The following COL5A2 variants were observed in gnomAD, a reference collection of about 807,000 sequenced individuals.
The protein encoded by COL5A2 is collagen type V alpha 2 chain.
COL5A2 carries 23 observed loss-of-function variants against 208.2 expected under a neutral mutation model. The observed-to-expected ratio is 0.11, with a 90% CI of 0.08 to 0.16. The LOEUF (loss-of-function observed/expected upper bound fraction) is 0.16. COL5A2 is among the 10% of genes least tolerant of loss of function. The pLI, the probability that COL5A2 is intolerant of heterozygous loss-of-function variation, is 1.00. For missense variants in COL5A2, 1,590 were observed against 1,956.4 expected, an observed-to-expected ratio of 0.81 and a Z score of 3.53; for synonymous variants, 625 against 628.5, an observed-to-expected ratio of 0.99 and a Z score of 0.08.
At chr2:189,035,584 A>C (rs1314373025) in intron 52 of COL5A2, among the ~76,000 whole-genome samples, 1 of 152,066 alleles carries the variant, frequency 6.6e-6, no homozygotes, top group East Asian at 1.9e-4. Context: ...AAAAATAATC[A>C]AAAAAATTTT....
Position 189,033,796 on chromosome 2 carries a change from T to A in COL5A2, c.*274A>T. The A allele has an allele frequency of 2.1e-6, 1 of 480,672 alleles. No individual in the cohort carries two copies. Among genetic ancestry groups the A allele is most frequent in the South Asian group, 2.4e-5 (1 of 41,178 alleles). The allele number at this position is 480,672 out of a possible 1,614,324, so 29.8% of individuals were successfully genotyped here. On this transcript the variant is annotated 3_prime_UTR_variant, in exon 54 of 54. Transcript: ENST00000374866. ...ACGGAGATTTATTTATTCAATCAGTTTACTTTCTGCAAAGGTGGTCATTGT... is the reference window on the plus strand; with the variant it reads ...ACGGAGATTTATTTATTCAATCAGTATACTTTCTGCAAAGGTGGTCATTGT...
intron 1 of COL5A2, among the ~76,000 whole-genome samples, chr2:189,135,509 TACAA>T (rs1687810847): frequency 6.6e-6 from 1 of 152,298 alleles, no homozygotes; most frequent in Non-Finnish European, 1.5e-5. Context: ...AAATATTGGT[TACAA>T]ACAGTGAACT....
chr2:189,238,049 CT>C, the COL5A2 span, among the ~76,000 whole-genome samples: 1 of 151,636 alleles, frequency 6.6e-6, no homozygotes, highest in Non-Finnish European at 1.5e-5. Flanking sequence ...TATTTGCGAG[CT>C]ATTATAGTTT....
Position 189,042,766 on chromosome 2 carries a change from T to C in COL5A2, c.3479A>G (p.Asn1160Ser). The change falls in exon 49 of 54, where the codon AAT (asparagine) becomes AGT (serine). Residue 1160 changes from asparagine (N) to serine (S), a missense_variant. Asn to Ser is a conservative substitution (Grantham distance 46). Transcript: ENST00000374866. The stretch of plus-strand genomic sequence containing the variant: ...GATTCCAGCACTTCCTTGTTCACCA[T>C]TTGGACCCTAAGTAGGAATACAATA... ...LQGLPGPPGP[N>S]GEQGSAGIPG... The C allele has an allele frequency of 6.2e-7, 1 of 1,605,674 alleles. No homozygotes were observed. Among genetic ancestry groups the C allele is most frequent in the Non-Finnish European group, 8.5e-7 (1 of 1,174,922 alleles).
intron 1 of COL5A2, among the ~76,000 whole-genome samples, chr2:189,199,836 A>G (rs1689049327): frequency 6.6e-6 from 1 of 152,242 alleles, no homozygotes; most frequent in Non-Finnish European, 1.5e-5. Flanking sequence ...TTACTCCACC[A>G]GATTTATTCT....
chr2:189,426,237 A>C, the COL5A2 span, among the ~76,000 whole-genome samples: 1 of 152,198 alleles, frequency 6.6e-6, no homozygotes, highest in Admixed American at 6.5e-5. Flanking sequence ...AGGAGGTCTC[A>C]GATAGAAATT....
rs763462242 is a variant in COL5A2, at chr2:189,049,423, G to A, written c.3071C>T (p.Ala1024Val). ...TCCAGGTGGACCTTTATCTCCTGTT[G>A]CACCAGTTGGTCCTACTTTTCCTGG... The part of the protein sequence containing the change: ...GTPGKVGPTG[A>V]TGDKGPPGPV... Residue 1024 changes from alanine (A) to valine (V), a missense_variant, in exon 44 of 54, where the codon GCA (alanine) becomes GTA (valine). By Grantham distance (64) the Ala-to-Val change is moderately conservative. Transcript: ENST00000374866. 10 of 1,613,414 alleles carry A rather than the reference G, an allele frequency of 6.2e-6. No individual in the cohort carries two copies. In the East Asian group the frequency reaches 2.2e-4, roughly 36 times the overall value.
chr2:189,074,757 A>G (rs183413450), intron 17 of COL5A2, among the ~76,000 whole-genome samples: 1 of 152,322 alleles, frequency 6.6e-6, no homozygotes, highest in Admixed American at 6.5e-5. Flanking sequence ...TTCTTAGCTC[A>G]TTGACATGCA....
the COL5A2 span, among the ~76,000 whole-genome samples, chr2:189,237,768 A>G: frequency 6.6e-6 from 1 of 151,894 alleles, no homozygotes; most frequent in African/African-American, 2.4e-5. Flanking sequence ...CAAATTTTCC[A>G]TTTGTTCATA....
chr2:189,241,187 T>C, the COL5A2 span, among the ~76,000 whole-genome samples: 1 of 152,218 alleles, frequency 6.6e-6, no homozygotes, highest in Non-Finnish European at 1.5e-5. Flanking sequence ...ACAGCACTTG[T>C]AGACCATCTT....
At chr2:189,046,025 T>G in intron 45 of COL5A2, 118 bp from the exon 46 acceptor site, 1 of 658,514 alleles carries the variant, frequency 1.5e-6, no homozygotes, top group Non-Finnish European at 2.5e-6. Context: ...TAAAACTTAT[T>G]TTTACTTATT....
chr2:189,111,277 T>C (rs1044663327), intron 1 of COL5A2, among the ~76,000 whole-genome samples: 5 of 152,194 alleles, frequency 3.3e-5, no homozygotes, highest in African/African-American at 9.6e-5. Context: ...AGTTCTATTA[T>C]ACATTTACTA....
chr2:189,272,275 T>C, the COL5A2 span, among the ~76,000 whole-genome samples: 1 of 152,228 alleles, frequency 6.6e-6, no homozygotes, highest in South Asian at 2.1e-4. Context: ...TACCCATCAA[T>C]GATAGACTGG....
At chr2:189,158,067 T>A (rs568008378) in intron 1 of COL5A2, among the ~76,000 whole-genome samples, 15 of 152,126 alleles carry the variant, frequency 9.9e-5, no homozygotes, top group Non-Finnish European at 1.9e-4. Context: ...ATTTTCTGCA[T>A]TTTAATTATT....
chr2:189,034,835 A>C, intron 53 of COL5A2, 81 bp downstream of exon 53: 1 of 1,559,372 alleles, frequency 6.4e-7, no homozygotes, highest in Non-Finnish European at 8.8e-7. Context: ...AATTGCCCCC[A>C]GTTCTAGTGC....
intron 2 of COL5A2, among the ~76,000 whole-genome samples, 177 bp downstream of exon 2, chr2:189,110,048 G>A (rs147703861): frequency 7.4e-4 from 112 of 152,284 alleles, no homozygotes; most frequent in African/African-American, 2.5e-3. Context: ...ATTACTGTCT[G>A]CTTCTATCTA....
intron 1 of COL5A2, among the ~76,000 whole-genome samples, chr2:189,135,462 G>A (rs1042174522): frequency 6.6e-6 from 1 of 152,102 alleles, no homozygotes; most frequent in Non-Finnish European, 1.5e-5. Flanking sequence ...ATGAAGTACT[G>A]CAATGATTTC....
upstream of COL5A2, among the ~76,000 whole-genome samples, chr2:189,226,736 C>T (rs540434937): frequency 6.6e-6 from 1 of 152,066 alleles, no homozygotes; most frequent in Non-Finnish European, 1.5e-5. Context: ...GAGGCCTCCC[C>T]CTCAAGGAGG....
intron 17 of COL5A2, among the ~76,000 whole-genome samples, chr2:189,074,848 C>T (rs191120101): frequency 6.6e-6 from 1 of 152,274 alleles, no homozygotes; most frequent in East Asian, 1.9e-4. Context: ...GGTATTCAAA[C>T]TCATTCTTTA....
Sources: gnomAD v4.1 joint callset for allele counts (sites outside exome capture counted in the v4.1 genomes callset) on GRCh38, gnomAD v4.1.1 for gene constraint, MANE v1.5 for transcripts, NCBI Gene and HGNC (gene_info 2026-07-23, HGNC 2026-07-21) for gene names.